YBEY: variants seen among roughly 807,000 people sequenced by gnomAD.
The protein encoded by YBEY is endoribonuclease YbeY.
A neutral mutation model predicts 13.5 loss-of-function variants in YBEY; 15 were observed. That is an observed-to-expected ratio of 1.11 (90% CI 0.75 to 1.72). The LOEUF is 1.72. Among genes scored for constraint, YBEY ranks in the 40% most tolerant of loss-of-function variants. The probability of loss-of-function intolerance (pLI) is 0.00; values close to 1 mark genes in which losing one functional copy is unlikely to be tolerated. For synonymous variants in YBEY, 101 were observed against 83.1 expected, an observed-to-expected ratio of 1.21 and a Z score of -1.17; for missense variants, 244 against 208.4, an observed-to-expected ratio of 1.17 and a Z score of -1.05.
In YBEY at chr21:46,297,724, C is replaced by G. The variant is rs947345428; in HGVS notation, c.*90C>G. The G allele has an allele frequency of 3.2e-5, 40 of 1,252,274 alleles. No individual in the cohort carries two copies. Among genetic ancestry groups the G allele is most frequent in the South Asian group, 1.1e-4 (3 of 27,232 alleles). 77.6% of individuals were successfully genotyped at this position (1,252,274 alleles called of 1,614,324 possible). ...CACGAATAAATAACGAATGAACGTA[C>G]GAGGGGAACCTCCTCTTATTTCCTT... On this transcript the variant is annotated 3_prime_UTR_variant, in exon 5 of 5. Transcript: ENST00000397701.
In YBEY at chr21:46,297,646, C is replaced by T; in HGVS notation, c.*12C>T. ...TCGGAGGGAGCTGAGGGCCGCGTTC[C>T]TTCTGAAAGCGGGACGCGGGAGGGG... On this transcript the variant is annotated 3_prime_UTR_variant, in exon 5 of 5. Coordinates refer to ENST00000397701, the MANE Select transcript of YBEY (RefSeq NM_001314025.2). 6.2e-6 allele frequency: 8 copies of T among 1,293,106 alleles called. No homozygotes were observed. Among genetic ancestry groups the T allele is most frequent in the Admixed American group, 4.0e-5 (1 of 24,996 alleles). The allele number at this position is 1,293,106 out of a possible 1,614,324, so 80.1% of individuals were successfully genotyped here. A position where few individuals can be genotyped will look rare whatever the true frequency, so the allele number is the denominator to read the frequency against.
chr21:46,302,427 GA>G, downstream of YBEY: 1 of 1,396,184 alleles, frequency 7.2e-7, no homozygotes, highest in Non-Finnish European at 9.9e-7. Context: ...ATTTCCAGAA[GA>G]AAAACCACCC....
chr21:46,309,411 G>A, the YBEY span, among the ~76,000 whole-genome samples: 9,924 of 150,340 alleles, frequency 0.066, 1,054 homozygotes, highest in African/African-American at 0.23. Context: ...GAAGTGAGCC[G>A]AGATTGCGCC....
intron 2 of YBEY, 50 bp downstream of exon 2, chr21:46,287,173 A>G: frequency 1.3e-6 from 2 of 1,512,128 alleles, no homozygotes; most frequent in East Asian, 4.6e-5. Context: ...CCCAGAGTAA[A>G]TTTCCTGTCG....
chr21:46,303,167 G>GA, the YBEY span, among the ~76,000 whole-genome samples: 301 of 143,448 alleles, frequency 2.1e-3, 1 homozygote, highest in African/African-American at 5.4e-3. Flanking sequence ...TCCGTCTCAA[G>GA]AAAAAAAAAA....
the YBEY span, among the ~76,000 whole-genome samples, chr21:46,303,677 T>TAC: frequency 2.3e-3 from 76 of 33,174 alleles, no homozygotes; most frequent in Middle Eastern, 0.017. Flanking sequence ...ACCTCATCTC[T>TAC]ACACACACAC....
At chr21:46,303,676 CTACACA>C in the YBEY span, among the ~76,000 whole-genome samples, 1 of 64,768 alleles carries the variant, frequency 1.5e-5, no homozygotes, top group Non-Finnish European at 3.1e-5. Context: ...GACCTCATCT[CTACACA>C]CACACACACA....
At chr21:46,286,488 A>C in intron 1 of YBEY, 73 bp downstream of exon 1, 1 of 164,082 alleles carries the variant, frequency 6.1e-6, no homozygotes. Flanking sequence ...CGGGCGCCCC[A>C]GACCCCAGAG....
chr21:46,296,267 G>A, intron 4 of YBEY, 37 bp downstream of exon 4: 6 of 1,610,930 alleles, frequency 3.7e-6, no homozygotes, highest in Admixed American at 1.7e-5. Context: ...GAGGGGGTGC[G>A]TGGGGGAAGG....
At chr21:46,307,404 T>C in the YBEY span, among the ~76,000 whole-genome samples, 1 of 152,098 alleles carries the variant, frequency 6.6e-6, no homozygotes, top group Non-Finnish European at 1.5e-5. Context: ...TACCTCGGTA[T>C]GCTTTTTAGA....
chr21:46,311,473 G>C, the YBEY span: 1 of 1,598,868 alleles, frequency 6.3e-7, no homozygotes, highest in Non-Finnish European at 8.6e-7. Flanking sequence ...AATACTTCCT[G>C]ACCGTTGAGT....
the YBEY span, among the ~76,000 whole-genome samples, chr21:46,306,159 G>C: frequency 6.6e-6 from 1 of 151,932 alleles, no homozygotes; most frequent in Non-Finnish European, 1.5e-5. Context: ...TTAGAAAGTG[G>C]TGAGATAAAA....
intron 2 of YBEY, among the ~76,000 whole-genome samples, chr21:46,288,369 C>T (rs1047810197): frequency 6.6e-6 from 1 of 152,158 alleles, no homozygotes; most frequent in Non-Finnish European, 1.5e-5. Context: ...GTGACACACC[C>T]AAGACAATAA....
rs773972367 is a variant in YBEY at position 46,286,923 on chromosome 21, G to A, written c.10G>A (p.Val4Met). Residue 4 changes from valine (V) to methionine (M), a missense_variant, in exon 2 of 5, where the codon GTG becomes ATG. Physicochemically the swap from Val to Met is conservative, Grantham distance 21. Coordinates refer to ENST00000397701, the MANE Select transcript of YBEY (RefSeq NM_001314025.2). MSL[V>M]IRNLQRVIPI... ...GGTTATTCTTCCTGAAATGAGTTTGGTGATTAGAAATCTGCAGCGAGTCAT... is the reference window on the plus strand; with the variant it reads ...GGTTATTCTTCCTGAAATGAGTTTGATGATTAGAAATCTGCAGCGAGTCAT... The A allele has an allele frequency of 6.2e-6, 10 of 1,613,716 alleles. No individual in the cohort carries two copies. The East Asian group carries it at 1.3e-4, about 22-fold the overall frequency.
chr21:46,302,212 C>T, downstream of YBEY: 3 of 1,435,010 alleles, frequency 2.1e-6, no homozygotes, highest in Non-Finnish European at 2.7e-6. Flanking sequence ...CACCTCCACT[C>T]CCGCCCTGTT....
downstream of YBEY, among the ~76,000 whole-genome samples, chr21:46,299,468 C>G (rs936593322): frequency 2.0e-5 from 3 of 152,084 alleles, no homozygotes; most frequent in African/African-American, 7.2e-5. Flanking sequence ...GATTCTGGAC[C>G]CTCTTGCAAG....
chr21:46,300,266 C>A (rs140957059), downstream of YBEY: 34 of 154,152 alleles, frequency 2.2e-4, no homozygotes, highest in South Asian at 3.4e-3. Context: ...CCCGTCTCTA[C>A]TAAAAATACA....
the YBEY span, among the ~76,000 whole-genome samples, chr21:46,304,291 A>G: frequency 6.6e-6 from 1 of 151,996 alleles, no homozygotes; most frequent in Non-Finnish European, 1.5e-5. Flanking sequence ...CGGCCTCCCA[A>G]AGTGATGGGA....
chr21:46,286,845 G>A, intron 1 of YBEY, 25 bp from the exon 2 acceptor site: 1 of 1,444,686 alleles, frequency 6.9e-7, no homozygotes, highest in Non-Finnish European at 9.7e-7. Context: ...GTACTGATTG[G>A]TCTTCTCTTA....
Sources: allele counts gnomAD v4.1 joint callset (sites outside exome capture counted in the v4.1 genomes callset), GRCh38; gene constraint gnomAD v4.1.1; transcripts MANE v1.5; gene names NCBI Gene and HGNC (gene_info 2026-07-23, HGNC 2026-07-21).